Variants in NRXN3 observed in about 807,000 individuals in gnomAD.
NRXN3 encodes the protein neurexin III.
In NRXN3, 32 loss-of-function variants were observed where a neutral mutation model predicts 137.6. The observed-to-expected ratio is 0.23, with a 90% CI of 0.18 to 0.31. The LOEUF (loss-of-function observed/expected upper bound fraction) is 0.31. Among genes scored for constraint, NRXN3 ranks in the 10% least tolerant of loss-of-function variants. NRXN3 has a pLI of 1.00. For synonymous variants in NRXN3, 798 were observed against 784.5 expected (o/e 1.02, Z -0.29); for missense variants, 1,574 against 2,062.5 (o/e 0.76, Z 4.59).
chr14:78,734,206 A>AACACACAC (rs10563958), intron 8 of NRXN3, among the ~76,000 whole-genome samples: 23 of 137,786 alleles, frequency 1.7e-4, no homozygotes, highest in African/African-American at 3.7e-4. Flanking sequence ...CTGCATCTGA[A>AACACACAC]ACACACACAC....
intron 15 of NRXN3, among the ~76,000 whole-genome samples, chr14:79,304,249 A>T (rs2153224881): frequency 6.6e-6 from 1 of 152,164 alleles, no homozygotes; most frequent in South Asian, 2.1e-4. Context: ...GTTCCCAAAT[A>T]CATGGCTGCT....
chr14:78,238,914 A>G (rs2066710089), intron 1 of NRXN3, among the ~76,000 whole-genome samples: 1 of 152,244 alleles, frequency 6.6e-6, no homozygotes, highest in South Asian at 2.1e-4. Context: ...ATCTTCCCCC[A>G]CAAGGGAATG....
intron 4 of NRXN3, among the ~76,000 whole-genome samples, chr14:78,577,685 G>A (rs1442402300): frequency 6.6e-6 from 1 of 152,038 alleles, no homozygotes; most frequent in Non-Finnish European, 1.5e-5. Context: ...GGCTGGTCTC[G>A]AACTCCTGAC....
At chr14:79,786,977 G>A (rs892016604) in intron 19 of NRXN3, among the ~76,000 whole-genome samples, 4 of 152,196 alleles carry the variant, frequency 2.6e-5, no homozygotes, top group Non-Finnish European at 5.9e-5. Context: ...GCTGCTCAGC[G>A]CTAAGGCTAT....
At chr14:79,752,046 GT>G (rs900113723) in intron 19 of NRXN3, among the ~76,000 whole-genome samples, 5 of 152,058 alleles carry the variant, frequency 3.3e-5, no homozygotes, top group African/African-American at 1.2e-4. Context: ...TTTTGGTTGT[GT>G]CTCTGTCCAG....
chr14:78,471,977 C>T (rs1377537332), intron 4 of NRXN3, among the ~76,000 whole-genome samples: 1 of 152,190 alleles, frequency 6.6e-6, no homozygotes, highest in Non-Finnish European at 1.5e-5. Flanking sequence ...CCAAACTCTG[C>T]ATCCCTGCTG....
chr14:79,637,247 T>G (rs1472291948), intron 16 of NRXN3, among the ~76,000 whole-genome samples: 3 of 152,210 alleles, frequency 2.0e-5, no homozygotes. Context: ...TAAAAGTTCT[T>G]GGAACATTGC....
intron 19 of NRXN3, among the ~76,000 whole-genome samples, chr14:79,745,404 C>A (rs143138121): frequency 6.6e-6 from 1 of 152,256 alleles, no homozygotes; most frequent in East Asian, 1.9e-4. Context: ...GTCCACAACA[C>A]CTCATTAATC....
chr14:79,055,969 G>A (rs2099660599), intron 15 of NRXN3, among the ~76,000 whole-genome samples: 1 of 152,156 alleles, frequency 6.6e-6, no homozygotes, highest in African/African-American at 2.4e-5. Flanking sequence ...TGTACCTTAT[G>A]GGTACTGAAG....
At chr14:78,739,408 G>T (rs2152923689) in intron 8 of NRXN3, among the ~76,000 whole-genome samples, 2 of 152,338 alleles carry the variant, frequency 1.3e-5, no homozygotes, top group Middle Eastern at 6.8e-3. Context: ...GGAGGAAGAA[G>T]AAAGCACAAA....
chr14:79,126,209 T>C (rs1447378408), intron 15 of NRXN3, among the ~76,000 whole-genome samples: 1 of 152,170 alleles, frequency 6.6e-6, no homozygotes, highest in Non-Finnish European at 1.5e-5. Context: ...AGTTTTAGGG[T>C]ACATGTGCAC....
chr14:79,147,091 A>G (rs913327448), intron 15 of NRXN3, among the ~76,000 whole-genome samples: 4 of 152,144 alleles, frequency 2.6e-5, no homozygotes, highest in African/African-American at 9.7e-5. Context: ...AAGACATCCA[A>G]ATGGGTGTAA....
At chr14:78,526,727 C>T (rs762250669) in intron 4 of NRXN3, 2 of 516,768 alleles carry the variant, frequency 3.9e-6, no homozygotes, top group Non-Finnish European at 7.7e-6. Flanking sequence ...GTACAATAAT[C>T]CTAAGAGGTA....
At position 79,827,512 on chromosome 14, in the gene NRXN3, A is replaced by G. The variant is rs116971790; in HGVS notation, c.4093+22322A>G. On this transcript the variant is annotated intron_variant, in intron 20 of 20. Transcript: ENST00000335750. ...GCATTGCTATAAAGAAATACCCGAG[A>G]CTGGGTAATTTATAAAGAAAAGACG... Among the ~76,000 whole-genome samples the G allele has an allele frequency of 2.2e-3, 337 of 152,196 alleles. 12 individuals are homozygous for G. In the East Asian group the frequency reaches 0.044, roughly 20 times the overall value.
At chr14:78,940,307 A>G (rs1039624110) in intron 10 of NRXN3, among the ~76,000 whole-genome samples, 1 of 152,122 alleles carries the variant, frequency 6.6e-6, no homozygotes, top group African/African-American at 2.4e-5. Context: ...CTTGAACACC[A>G]CTATCTTCTT....
At chr14:79,371,784 T>C (rs2094119061) in intron 15 of NRXN3, among the ~76,000 whole-genome samples, 1 of 152,158 alleles carries the variant, frequency 6.6e-6, no homozygotes, top group Admixed American at 6.5e-5. Context: ...CTGCCCATTT[T>C]ATTTGAGGAT....
At chr14:79,595,367 A>G (rs1357050395) in intron 16 of NRXN3, among the ~76,000 whole-genome samples, 1 of 152,202 alleles carries the variant, frequency 6.6e-6, no homozygotes, top group African/African-American at 2.4e-5. Context: ...ATAGTTGCTT[A>G]CTATGAATGT....
chr14:78,441,521 A>G (rs1186882615), intron 4 of NRXN3, among the ~76,000 whole-genome samples: 2 of 151,856 alleles, frequency 1.3e-5, no homozygotes, highest in African/African-American at 2.4e-5. Context: ...CCCTTCTTAG[A>G]GTCAGAGCTA....
intron 4 of NRXN3, among the ~76,000 whole-genome samples, chr14:78,589,957 GAAAC>G (rs888778764): frequency 2.6e-5 from 4 of 152,194 alleles, no homozygotes; most frequent in South Asian, 2.1e-4. Context: ...AACTCCGTTT[GAAAC>G]AAACAAACAA....
Sources: gnomAD v4.1 joint callset for allele counts (sites outside exome capture counted in the v4.1 genomes callset) on GRCh38, gnomAD v4.1.1 for gene constraint, MANE v1.5 for transcripts, NCBI Gene and HGNC (gene_info 2026-07-23, HGNC 2026-07-21) for gene names.